AP2A2: variants seen among roughly 807,000 people sequenced by gnomAD.
AP2A2 encodes adaptor related protein complex 2 subunit alpha 2.
Under a neutral mutation model 104.2 loss-of-function variants are expected in AP2A2, and 32 were observed. That is an observed-to-expected ratio of 0.31 (90% CI 0.23 to 0.41). The LOEUF (loss-of-function observed/expected upper bound fraction) is 0.41, where lower values mean the gene tolerates loss of function less well. Among genes scored for constraint, AP2A2 ranks in the 10% least tolerant of loss-of-function variants. The probability of loss-of-function intolerance (pLI) is 1.00; values close to 1 mark genes in which losing one functional copy is unlikely to be tolerated. For missense variants in AP2A2, 912 were observed against 1,261.0 expected (o/e 0.72, Z 4.19); for synonymous variants, 539 against 533.3 (o/e 1.01, Z -0.15).
At chr11:967,848 C>G (rs1589975575) in intron 2 of AP2A2, among the ~76,000 whole-genome samples, 1 of 152,152 alleles carries the variant, frequency 6.6e-6, no homozygotes, top group African/African-American at 2.4e-5. Flanking sequence ...ACCAAGGAGA[C>G]AGATATTACT....
At chr11:937,538 G>A (rs1358676710) in intron 1 of AP2A2, among the ~76,000 whole-genome samples, 1 of 152,204 alleles carries the variant, frequency 6.6e-6, no homozygotes, top group Admixed American at 6.5e-5. Context: ...AGCCTAGGAG[G>A]TTGAGGCTGC....
At position 968,685 on chromosome 11, in the gene AP2A2, C is replaced by T. The variant is rs1027809268; in HGVS notation, c.137-1484C>T. ...GCTTCCCAGTGGAGGATCTCTGCTG[C>T]GCAGCCCGTGCTCAGCTGTGTGTGC... On this transcript the variant is annotated intron_variant, in intron 2 of 21. Transcript: ENST00000448903. The surrounding 1 kb of genome is among the most constrained non-coding windows in gnomAD (Gnocchi z 4.2). Among the ~76,000 whole-genome samples the T allele has an allele frequency of 4.6e-5, 7 of 151,966 alleles. No individual in the cohort carries two copies. The highest frequency in any genetic ancestry group is 2.1e-4 in the South Asian group (1 of 4,810).
intron 21 of AP2A2, 111 bp downstream of exon 21, chr11:1,009,928 G>A: frequency 7.4e-7 from 1 of 1,353,714 alleles, no homozygotes; most frequent in Non-Finnish European, 9.9e-7. Flanking sequence ...TTTGACAGAT[G>A]TTGTTTAACC....
intron 2 of AP2A2, among the ~76,000 whole-genome samples, chr11:962,764 G>T (rs1266159603): frequency 6.6e-6 from 1 of 152,110 alleles, no homozygotes; most frequent in Admixed American, 6.6e-5. Context: ...TATAAATTCT[G>T]TATAAATGTT....
At chr11:977,024 G>C (rs980107183) in intron 4 of AP2A2, 71 bp from the exon 5 acceptor site, 18 of 1,583,280 alleles carry the variant, frequency 1.1e-5, no homozygotes, top group Admixed American at 1.7e-5. Flanking sequence ...TGCTGGCTCT[G>C]GGGGGGTGCT....
chr11:979,406 C>T (rs867629986), intron 5 of AP2A2, among the ~76,000 whole-genome samples: 1 of 151,740 alleles, frequency 6.6e-6, no homozygotes, highest in Admixed American at 6.6e-5. Context: ...CCAATCAGAC[C>T]AATTTCTTTC....
chr11:954,702 ATG>A (rs1435535576), intron 1 of AP2A2, among the ~76,000 whole-genome samples: 2 of 147,742 alleles, frequency 1.4e-5, no homozygotes, highest in African/African-American at 2.5e-5. Flanking sequence ...GTGTTTGTAA[ATG>A]TGTGCATGTG....
intron 1 of AP2A2, among the ~76,000 whole-genome samples, chr11:936,854 G>C (rs1853474591): frequency 6.6e-6 from 1 of 152,112 alleles, no homozygotes; most frequent in Non-Finnish European, 1.5e-5. Flanking sequence ...TCTGGGGCTA[G>C]TTTTACCTCA....
chr11:1,001,066 T>A (rs1856015399), intron 15 of AP2A2, among the ~76,000 whole-genome samples: 1 of 152,242 alleles, frequency 6.6e-6, no homozygotes, highest in Non-Finnish European at 1.5e-5. Context: ...GCTAAGTCCT[T>A]CTGTGAGGCC....
chr11:964,783 A>G (rs1854556883), intron 2 of AP2A2, among the ~76,000 whole-genome samples: 2 of 136,156 alleles, frequency 1.5e-5, no homozygotes, highest in African/African-American at 2.6e-5. Flanking sequence ...TGCCAAAGGA[A>G]ATAATCCCAG....
chr11:932,828 T>G (rs764143373), intron 1 of AP2A2: 31 of 443,866 alleles, frequency 7.0e-5, no homozygotes, highest in Non-Finnish European at 1.3e-4. Context: ...GTGGTGAACA[T>G]ATTTTGTGCC....
chr11:983,483 C>G (rs968174606), intron 6 of AP2A2, among the ~76,000 whole-genome samples: 2 of 151,260 alleles, frequency 1.3e-5, no homozygotes, highest in Admixed American at 1.3e-4. Flanking sequence ...CCTGGGTTCA[C>G]GCCATTCTCC....
chr11:978,437 CT>C (rs1855127235), intron 5 of AP2A2, among the ~76,000 whole-genome samples: 1 of 152,200 alleles, frequency 6.6e-6, no homozygotes, highest in Admixed American at 6.5e-5. Context: ...TCCTTGGATA[CT>C]TTATGATTCT....
chr11:1,011,393 G>T lies in AP2A2; in HGVS notation c.*768G>T, dbSNP rs192473731. The T allele has an allele frequency of 6.9e-4, 355 of 515,406 alleles. 5 individuals carry two copies. The highest frequency in any genetic ancestry group is 4.6e-3 in the South Asian group (325 of 71,220). 31.9% of individuals were successfully genotyped at this position (515,406 alleles called of 1,614,324 possible). ...TGGCGCAAGACTCAGAGGTGTGCTC[G>T]TCTCTTTCCTGTCAGAGTGGGCGTC... On this transcript the variant is annotated 3_prime_UTR_variant, in exon 22 of 22. Coordinates refer to ENST00000448903, the MANE Select transcript of AP2A2 (RefSeq NM_012305.4).
At chr11:1,009,589 A>T in intron 20 of AP2A2, 94 bp from the exon 21 acceptor site, 3 of 1,083,104 alleles carry the variant, frequency 2.8e-6, no homozygotes, top group Non-Finnish European at 3.8e-6. Context: ...CACGCAGCCC[A>T]CGACCCAGCG....
intron 1 of AP2A2, among the ~76,000 whole-genome samples, chr11:938,610 G>A (rs569515981): frequency 6.6e-6 from 1 of 151,952 alleles, no homozygotes; most frequent in African/African-American, 2.4e-5. Context: ...GAGTAGCTGG[G>A]ACTACAGGTG....
At position 968,922 on chromosome 11, in the gene AP2A2, G is replaced by A. The variant is rs1854717854; in HGVS notation, c.137-1247G>A. 1.3e-5 allele frequency among the ~76,000 whole-genome samples: 2 copies of A among 152,198 alleles called. No individual in the cohort carries two copies. Among genetic ancestry groups the A allele is most frequent in the Admixed American group, 6.5e-5 (1 of 15,288 alleles). On this transcript the variant is annotated intron_variant, in intron 2 of 21. Transcript: ENST00000448903. The surrounding 1 kb of genome is among the most constrained non-coding windows in gnomAD (Gnocchi z 4.2). The stretch of plus-strand genomic sequence containing the variant: ...GAGTGCAGCATGCAGCTGACTGGCC[G>A]ACTGGTGATGCACCGTTCCCCAGGA...
chr11:979,400 T>G (rs996019420), intron 5 of AP2A2, among the ~76,000 whole-genome samples: 1 of 151,640 alleles, frequency 6.6e-6, no homozygotes, highest in Non-Finnish European at 1.5e-5. Flanking sequence ...AGAAGACCAA[T>G]CAGACCAATT....
intron 1 of AP2A2, among the ~76,000 whole-genome samples, chr11:945,702 G>A (rs1018905538): frequency 2.0e-5 from 3 of 152,164 alleles, no homozygotes; most frequent in Non-Finnish European, 4.4e-5. Context: ...TGTAATCCCA[G>A]CACTTTGGGA....
Sources: gnomAD v4.1 joint callset for allele counts (sites outside exome capture counted in the v4.1 genomes callset) on GRCh38, gnomAD v4.1.1 for gene constraint, Gnocchi (gnomAD v3.1) non-coding constraint, MANE v1.5 for transcripts, NCBI Gene and HGNC (gene_info 2026-07-23, HGNC 2026-07-21) for gene names.